Variants in CDC27 observed in about 807,000 individuals in gnomAD.
CDC27 encodes the protein cell division cycle protein 27 homolog.
In CDC27, 27 loss-of-function variants were observed where a neutral mutation model predicts 109.7. That is an observed-to-expected ratio of 0.25 (90% CI 0.18 to 0.34). The LOEUF is 0.34. Ranked by LOEUF, CDC27 falls within the 10% of genes least tolerant of loss-of-function variation. The pLI, the probability that CDC27 is intolerant of heterozygous loss-of-function variation, is 1.00. For synonymous variants in CDC27, 266 were observed against 333.9 expected (o/e 0.80, Z 2.22); for missense variants, 579 against 960.2 (o/e 0.60, Z 5.25).
chr17:47,163,920 C>A (rs1349571429), intron 4 of CDC27, among the ~76,000 whole-genome samples: 1 of 152,126 alleles, frequency 6.6e-6, no homozygotes, highest in African/African-American at 2.4e-5. Flanking sequence ...CGTGTCACCA[C>A]GCCCAGCTGA....
intron 2 of CDC27, among the ~76,000 whole-genome samples, chr17:47,180,282 C>T (rs895111699): frequency 1.3e-5 from 2 of 151,956 alleles, no homozygotes; most frequent in Admixed American, 1.3e-4. Context: ...CCTTCCATTC[C>T]TTCTCACCTT....
At chr17:47,185,347 T>A (rs1408042268) in intron 1 of CDC27, among the ~76,000 whole-genome samples, 1 of 151,704 alleles carries the variant, frequency 6.6e-6, no homozygotes, top group Non-Finnish European at 1.5e-5. Flanking sequence ...CCCGGCTAAT[T>A]TTTTTTGTAT....
chr17:47,140,602 T>G (rs145847421), intron 12 of CDC27, among the ~76,000 whole-genome samples: 1 of 152,332 alleles, frequency 6.6e-6, no homozygotes, highest in East Asian at 1.9e-4. Flanking sequence ...AATTAAATAT[T>G]TGGGTCACCA....
At chr17:47,152,846 T>C (rs1200331423) in intron 8 of CDC27, among the ~76,000 whole-genome samples, 1 of 152,246 alleles carries the variant, frequency 6.6e-6, no homozygotes, top group Non-Finnish European at 1.5e-5. Context: ...TGCCACTTCA[T>C]TTGCTGGCCC....
chr17:47,122,970 A>T (rs2062022256), intron 17 of CDC27, among the ~76,000 whole-genome samples: 1 of 152,152 alleles, frequency 6.6e-6, no homozygotes, highest in Non-Finnish European at 1.5e-5. Flanking sequence ...CCCAGCCTCT[A>T]CAATTCTAAA....
At chr17:47,150,780 C>G (rs1189010090) in intron 9 of CDC27, among the ~76,000 whole-genome samples, 1 of 152,154 alleles carries the variant, frequency 6.6e-6, no homozygotes, top group Non-Finnish European at 1.5e-5. Flanking sequence ...TGCCTGTAAT[C>G]CCAGCACTTT....
At chr17:47,132,777 A>ATTACTG (rs2062391098) in intron 14 of CDC27, among the ~76,000 whole-genome samples, 1 of 132,832 alleles carries the variant, frequency 7.5e-6, no homozygotes, top group Non-Finnish European at 1.6e-5. Flanking sequence ...TATTATTATT[A>ATTACTG]TTATATTTTA....
At chr17:47,138,312 A>T (rs1490491404) in intron 13 of CDC27, among the ~76,000 whole-genome samples, 1 of 152,232 alleles carries the variant, frequency 6.6e-6, no homozygotes, top group East Asian at 1.9e-4. Context: ...GATATGTTAC[A>T]AAAGTATCAT....
At chr17:47,141,093 G>A (rs2148863027) in intron 12 of CDC27, among the ~76,000 whole-genome samples, 1 of 152,300 alleles carries the variant, frequency 6.6e-6, no homozygotes, top group Admixed American at 6.5e-5. Flanking sequence ...TGTCTGACTA[G>A]CTGTAATACA....
Position 47,181,542 on chromosome 17 carries a change from G to A in CDC27, c.103+20C>T. 1 of 1,377,394 alleles carries A rather than the reference G, an allele frequency of 7.3e-7. No individual in the cohort carries two copies. The highest frequency in any genetic ancestry group is 1.4e-5 in the African/African-American group (1 of 70,376). The allele number at this position is 1,377,394 out of a possible 1,614,324, so 85.3% of individuals were successfully genotyped here. ...TATGTTATTCATTTATCATTCTACA[G>A]CAATGAATAGATTTCAAACCTTCTG... On this transcript the variant is annotated intron_variant, in intron 2 of 18. Coordinates refer to ENST00000066544, the MANE Select transcript of CDC27 (RefSeq NM_001256.6).
intron 16 of CDC27, among the ~76,000 whole-genome samples, chr17:47,128,625 A>C (rs910625629): frequency 6.6e-6 from 1 of 152,088 alleles, no homozygotes; most frequent in Non-Finnish European, 1.5e-5. Context: ...TTTCCTAGAG[A>C]GTACTAGATA....
At chr17:47,156,717 G>A in intron 7 of CDC27, 196 bp downstream of exon 7, 1 of 371,504 alleles carries the variant, frequency 2.7e-6, no homozygotes, top group African/African-American at 2.1e-5. Context: ...CAAGGTGCTG[G>A]GATTACAGGC....
chr17:47,142,534 CT>C (rs2062827832), intron 10 of CDC27, 98 bp from the exon 11 acceptor site: 1 of 536,822 alleles, frequency 1.9e-6, no homozygotes, highest in Non-Finnish European at 3.3e-6. Context: ...AATGTACAAT[CT>C]TGATTAATTC....
At chr17:47,149,095 AAG>A (rs2063070292) in intron 9 of CDC27, among the ~76,000 whole-genome samples, 1 of 151,560 alleles carries the variant, frequency 6.6e-6, no homozygotes. Flanking sequence ...AAAAAAAAAA[AAG>A]AAAAAGAAAG....
At chr17:47,163,667 TA>T (rs1395074958) in intron 4 of CDC27, among the ~76,000 whole-genome samples, 1 of 152,244 alleles carries the variant, frequency 6.6e-6, no homozygotes, top group Non-Finnish European at 1.5e-5. Context: ...ACTGCATCTT[TA>T]AAAAAACTTT....
chr17:47,152,751 T>C (rs2063188463), intron 8 of CDC27, among the ~76,000 whole-genome samples: 1 of 152,212 alleles, frequency 6.6e-6, no homozygotes, highest in Admixed American at 6.5e-5. Context: ...AAACCTTATT[T>C]TAGCCTTTCC....
At chr17:47,146,927 G>A (rs1015250068) in intron 9 of CDC27, among the ~76,000 whole-genome samples, 2 of 152,032 alleles carry the variant, frequency 1.3e-5, no homozygotes, top group African/African-American at 4.8e-5. Context: ...TTAGCCATAT[G>A]TGGCACGTGC....
At chr17:47,187,140 T>C (rs1169872465) in intron 1 of CDC27, among the ~76,000 whole-genome samples, 5 of 152,090 alleles carry the variant, frequency 3.3e-5, no homozygotes, top group Admixed American at 2.6e-4. Context: ...AAAAATCTAA[T>C]GGACAATGCT....
chr17:47,161,166 A>G (rs1048241145), intron 4 of CDC27: 8 of 150,938 alleles, frequency 5.3e-5, no homozygotes, highest in Non-Finnish European at 1.2e-4. Flanking sequence ...TGGGACTACA[A>G]GTGCATGCTA....
Sources: gnomAD v4.1 joint callset for allele counts (sites outside exome capture counted in the v4.1 genomes callset) on GRCh38, gnomAD v4.1.1 for gene constraint, MANE v1.5 for transcripts, NCBI Gene and HGNC (gene_info 2026-07-23, HGNC 2026-07-21) for gene names.